Variants in CRYL1 observed in about 807,000 individuals in gnomAD.
CRYL1 encodes the protein lambda-crystallin homolog.
A neutral mutation model predicts 36.6 loss-of-function variants in CRYL1; 29 were observed. The ratio of observed to expected loss-of-function variants is 0.79; its 90% CI spans 0.59 to 1.08. The LOEUF (loss-of-function observed/expected upper bound fraction) is 1.08, where lower values mean the gene tolerates loss of function less well. Among genes scored for constraint, CRYL1 ranks in the 50% least tolerant of loss-of-function variants. The pLI is 0.00. For missense variants in CRYL1, 411 were observed against 407.9 expected (o/e 1.01, Z -0.06); for synonymous variants, 152 against 151.5 (o/e 1.00, Z -0.02).
chr13:20,450,080 T>C (rs2032536889), intron 3 of CRYL1, among the ~76,000 whole-genome samples: 1 of 152,160 alleles, frequency 6.6e-6, no homozygotes, highest in African/African-American at 2.4e-5. Context: ...TTTACAGAAC[T>C]TGAAAAAACT....
intron 2 of CRYL1, among the ~76,000 whole-genome samples, chr13:20,509,661 C>G (rs564775371): frequency 6.6e-6 from 1 of 152,290 alleles, no homozygotes; most frequent in South Asian, 2.1e-4. Context: ...GGCTTGGTGG[C>G]TCACACCTGT....
chr13:20,414,287 A>T (rs1430564603), intron 5 of CRYL1, among the ~76,000 whole-genome samples: 3 of 151,824 alleles, frequency 2.0e-5, no homozygotes, highest in Admixed American at 6.6e-5. Flanking sequence ...GAAATGGTCA[A>T]ACACAAATTC....
At chr13:20,427,144 C>A (rs549122930) in intron 5 of CRYL1, 3 of 985,326 alleles carry the variant, frequency 3.0e-6, no homozygotes, top group Non-Finnish European at 3.6e-6. Flanking sequence ...TATGCTAATG[C>A]CTTAAAAATG....
chr13:20,428,321 A>C (rs977555194), intron 5 of CRYL1, among the ~76,000 whole-genome samples: 1 of 152,232 alleles, frequency 6.6e-6, no homozygotes, highest in African/African-American at 2.4e-5. Flanking sequence ...CTAAAACAGT[A>C]AGTATATAAT....
chr13:20,432,353 T>G (rs750283132), intron 4 of CRYL1, 57 bp from the exon 5 acceptor site: 2 of 1,350,034 alleles, frequency 1.5e-6, no homozygotes, highest in Non-Finnish European at 2.1e-6. Context: ...TTTGGGGAAC[T>G]GCACCCACCC....
intron 1 of CRYL1, among the ~76,000 whole-genome samples, chr13:20,514,766 A>T (rs1331365710): frequency 6.6e-6 from 1 of 152,196 alleles, no homozygotes. Context: ...TGGTGAGATG[A>T]CATATGAAAA....
chr13:20,482,222 A>G (rs1030738782), intron 3 of CRYL1, among the ~76,000 whole-genome samples: 4 of 152,212 alleles, frequency 2.6e-5, no homozygotes, highest in African/African-American at 4.8e-5. Flanking sequence ...TTGAGATGCA[A>G]ATTCTGATCA....
chr13:20,458,193 T>C (rs373337637), intron 3 of CRYL1, among the ~76,000 whole-genome samples: 6 of 152,226 alleles, frequency 3.9e-5, no homozygotes, highest in African/African-American at 1.4e-4. Flanking sequence ...TTAGATAAGA[T>C]ACAATATAGC....
intron 3 of CRYL1, among the ~76,000 whole-genome samples, chr13:20,469,026 C>G (rs979831416): frequency 6.6e-5 from 10 of 152,332 alleles, no homozygotes; most frequent in South Asian, 6.2e-4. Context: ...CTCCGCTCCC[C>G]TGGACGGCAT....
chr13:20,413,364 G>A lies in CRYL1; in HGVS notation c.657C>T (p.Asp219=). ...ACCCTTCTGACATGACAAGGTCCAGGTCACTAGGAGACACGATTCCTTCCT... is the reference window on the plus strand; with the variant it reads ...ACCCTTCTGACATGACAAGGTCCAGATCACTAGGAGACACGATTCCTTCCT... ...LVEEGIVSPS[D]LDLVMSEGLG... The change falls in exon 6 of 8, where the codon GAC becomes GAT. Residue 219 remains aspartate, a synonymous_variant. Coordinates refer to ENST00000298248, the MANE Select transcript of CRYL1 (RefSeq NM_015974.3). 8.7e-6 allele frequency: 14 copies of A among 1,613,278 alleles called. No homozygotes were observed. The highest frequency in any genetic ancestry group is 1.2e-5 in the Non-Finnish European group (14 of 1,179,468).
chr13:20,453,454 T>G (rs2032615456), intron 3 of CRYL1, among the ~76,000 whole-genome samples: 1 of 145,580 alleles, frequency 6.9e-6, no homozygotes, highest in African/African-American at 2.8e-5. Flanking sequence ...TCTAATATAT[T>G]TGAATATTTT....
intron 2 of CRYL1, among the ~76,000 whole-genome samples, chr13:20,493,250 C>T (rs1040806494): frequency 2.0e-5 from 3 of 152,232 alleles, no homozygotes; most frequent in Admixed American, 6.5e-5. Context: ...ATGACTTCCA[C>T]GGACTGGACC....
rs574897415 is a variant in CRYL1 at position 20,428,878 on chromosome 13, C to G, written c.633+3224G>C. ...AGCAGGCTCCCTCAGCGCCCTGAACCAAGTCACCTGGCACCTCTCCTACCC... is the reference window on the plus strand; with the variant it reads ...AGCAGGCTCCCTCAGCGCCCTGAACGAAGTCACCTGGCACCTCTCCTACCC... On this transcript the variant is annotated intron_variant, in intron 5 of 7. Transcript: ENST00000298248. Among the ~76,000 whole-genome samples the G allele has an allele frequency of 3.7e-4, 56 of 152,304 alleles. 1 individual carries two copies. The highest frequency in any genetic ancestry group is 1.3e-3 in the African/African-American group (54 of 41,560).
At chr13:20,445,966 G>A (rs9509213) in intron 3 of CRYL1, among the ~76,000 whole-genome samples, 20,421 of 152,104 alleles carry the variant, frequency 0.13, 1,936 homozygotes, top group East Asian at 0.32. Flanking sequence ...CAAGAATACC[G>A]CTTAAATTAA....
chr13:20,495,348 G>A (rs929566908), intron 2 of CRYL1, among the ~76,000 whole-genome samples: 9 of 152,040 alleles, frequency 5.9e-5, no homozygotes, highest in African/African-American at 2.2e-4. Flanking sequence ...TCAAAATACT[G>A]GCTCCTAACC....
At chr13:20,410,407 T>C (rs1222340510) in intron 6 of CRYL1, among the ~76,000 whole-genome samples, 2 of 137,556 alleles carry the variant, frequency 1.5e-5, no homozygotes, top group African/African-American at 2.7e-5. Flanking sequence ...GGGGGAGGGA[T>C]AGCATTGGGA....
chr13:20,489,764 C>T (rs1009526388), intron 2 of CRYL1, among the ~76,000 whole-genome samples: 2 of 152,152 alleles, frequency 1.3e-5, no homozygotes, highest in African/African-American at 4.8e-5. Context: ...AACAGAATTA[C>T]AGTATGATCC....
chr13:20,511,555 C>A (rs2033918190), intron 2 of CRYL1, among the ~76,000 whole-genome samples: 1 of 152,208 alleles, frequency 6.6e-6, no homozygotes, highest in Non-Finnish European at 1.5e-5. Flanking sequence ...CTATACCCTA[C>A]ATATTAATCT....
intron 5 of CRYL1, among the ~76,000 whole-genome samples, chr13:20,417,415 C>T (rs1044572631): frequency 6.6e-6 from 1 of 152,136 alleles, no homozygotes; most frequent in African/African-American, 2.4e-5. Context: ...CACAGCTGTG[C>T]GGAGATGGGA....
Sources: gnomAD v4.1 joint callset for allele counts (sites outside exome capture counted in the v4.1 genomes callset) on GRCh38, gnomAD v4.1.1 for gene constraint, MANE v1.5 for transcripts, NCBI Gene and HGNC (gene_info 2026-07-23, HGNC 2026-07-21) for gene names.